Variants in GSE1 observed in about 807,000 individuals in gnomAD.
The protein encoded by GSE1 is genetic suppressor element 1.
A neutral mutation model predicts 112.6 loss-of-function variants in GSE1; 32 were observed. The observed-to-expected ratio is 0.28, with a 90% confidence interval of 0.21 to 0.38. The LOEUF is 0.38. Ranked by LOEUF, GSE1 falls within the 10% of genes least tolerant of loss-of-function variation. The pLI is 1.00. For synonymous variants in GSE1, 1,115 were observed against 735.6 expected (o/e 1.52, Z -8.35); for missense variants, 2,348 against 1,699.2 (o/e 1.38, Z -6.71).
chr16:85,608,601 G>A (rs2047818516), upstream of GSE1, among the ~76,000 whole-genome samples: 1 of 152,220 alleles, frequency 6.6e-6, no homozygotes, highest in Non-Finnish European at 1.5e-5. Flanking sequence ...GTGCTGCCAG[G>A]TGTAAGAGCC....
intron 1 of GSE1, among the ~76,000 whole-genome samples, chr16:85,246,721 G>A (rs1597181073): frequency 1.3e-5 from 2 of 152,188 alleles, no homozygotes; most frequent in South Asian, 2.1e-4. Context: ...ACTAGAGAGG[G>A]CCTGGGGGGC....
chr16:85,633,120 C>T (rs1332291461), intron 1 of GSE1, among the ~76,000 whole-genome samples: 1 of 152,222 alleles, frequency 6.6e-6, no homozygotes, highest in Admixed American at 6.5e-5. Flanking sequence ...TTCCAAGCTG[C>T]ACCGCGGTTT....
At chr16:85,352,764 C>T (rs531499140) in intron 1 of GSE1, among the ~76,000 whole-genome samples, 5 of 152,178 alleles carry the variant, frequency 3.3e-5, no homozygotes, top group East Asian at 3.8e-4. Flanking sequence ...CACAGCCTTG[C>T]GTGTCCATTA....
At position 85,668,246 on chromosome 16, in the gene GSE1, C is replaced by T. The variant is rs912318213; in HGVS notation, c.3237C>T (p.His1079=). The change falls in exon 14 of 16, where the codon CAC becomes CAT. Residue 1079 remains histidine, a synonymous_variant. Transcript: ENST00000253458. ...QSSSRAPPPQ[H]NGQQEPPTAR... is the part of the protein sequence containing the mutation. Reference sequence around the variant, plus strand: ...CCAGCCGCGCCCCTCCACCCCAGCACAATGGGCAGCAGGAGCCCCCCACTG... The same window carrying T: ...CCAGCCGCGCCCCTCCACCCCAGCATAATGGGCAGCAGGAGCCCCCCACTG... 1.2e-6 allele frequency: 2 copies of T among 1,611,536 alleles called. No individual in the cohort carries two copies. Among genetic ancestry groups the T allele is most frequent in the Non-Finnish European group, 1.7e-6 (2 of 1,177,686 alleles).
upstream of GSE1, among the ~76,000 whole-genome samples, chr16:85,551,745 G>C (rs1033355339): frequency 2.0e-5 from 3 of 152,232 alleles, no homozygotes; most frequent in Non-Finnish European, 2.9e-5. Flanking sequence ...AGGAGGCTGG[G>C]CTATCGCTAG....
chr16:85,484,874 C>T (rs138110952), intron 2 of GSE1, among the ~76,000 whole-genome samples: 52 of 152,332 alleles, frequency 3.4e-4, no homozygotes, highest in Non-Finnish European at 7.2e-4. Flanking sequence ...TCTTTGGCCT[C>T]CACTGTGATG....
chr16:85,596,214 C>G (rs1379035239), intron 1 of GSE1, among the ~76,000 whole-genome samples: 2 of 152,192 alleles, frequency 1.3e-5, no homozygotes, highest in Admixed American at 6.5e-5. Context: ...ATCTGCTCTT[C>G]TCACATCAGC....
chr16:85,638,927 G>A (rs2050222953), intron 2 of GSE1, among the ~76,000 whole-genome samples: 1 of 152,136 alleles, frequency 6.6e-6, no homozygotes, highest in Admixed American at 6.5e-5. Context: ...GTGGTGCAGG[G>A]TGCAGGCAGG....
chr16:85,329,612 G>T (rs774070828), intron 1 of GSE1, among the ~76,000 whole-genome samples: 1 of 151,952 alleles, frequency 6.6e-6, no homozygotes, highest in African/African-American at 2.4e-5. Flanking sequence ...GCGGGGAGAG[G>T]GCAGGAGAAG....
chr16:85,473,782 G>A (rs994441059), intron 2 of GSE1, among the ~76,000 whole-genome samples: 1 of 152,138 alleles, frequency 6.6e-6, no homozygotes, highest in Non-Finnish European at 1.5e-5. Context: ...GGGGCGGAGG[G>A]GGGGTCACCA....
intron 1 of GSE1, among the ~76,000 whole-genome samples, chr16:85,622,884 C>T (rs1442857947): frequency 6.6e-6 from 1 of 152,132 alleles, no homozygotes; most frequent in Non-Finnish European, 1.5e-5. Context: ...GCTGCAGCTG[C>T]CGCAGGGCTG....
intron 1 of GSE1, among the ~76,000 whole-genome samples, chr16:85,181,340 T>G (rs1315950901): frequency 6.6e-6 from 1 of 152,034 alleles, no homozygotes; most frequent in Admixed American, 6.5e-5. Context: ...CTTAAGAGAG[T>G]TCGGGGTGGA....
chr16:85,336,982 GCA>G (rs1421107969), intron 1 of GSE1, among the ~76,000 whole-genome samples: 5 of 132,030 alleles, frequency 3.8e-5, no homozygotes, highest in African/African-American at 1.2e-4. Context: ...ATATACATGG[GCA>G]CACACACAGA....
chr16:85,285,190 T>A (rs1297552434), intron 1 of GSE1: 1 of 152,242 alleles, frequency 6.6e-6, no homozygotes, highest in Non-Finnish European at 1.5e-5. Flanking sequence ...GGTGTGCCTG[T>A]GACATGAAGC....
intron 1 of GSE1, among the ~76,000 whole-genome samples, chr16:85,185,821 C>T (rs1350632966): frequency 1.3e-5 from 2 of 152,256 alleles, no homozygotes; most frequent in Non-Finnish European, 2.9e-5. Context: ...GGTCTGAACC[C>T]TCCCTGGGGC....
At chr16:85,552,328 CT>C (rs1195413161), upstream of GSE1, among the ~76,000 whole-genome samples, 435 of 47,742 alleles carry the variant, frequency 9.1e-3, 2 homozygotes, top group African/African-American at 0.026. Flanking sequence ...CCCGCCCCTC[CT>C]TTTTTTTTTT....
rs750160525 is a variant in GSE1 at position 85,674,690 on chromosome 16, C to T, written c.*2151C>T. ...GATAACTTAAAAACGTAGCTCATCCCTTACCATCCAAGGGGCACTCCCTTG... is the reference window on the plus strand; with the variant it reads ...GATAACTTAAAAACGTAGCTCATCCTTTACCATCCAAGGGGCACTCCCTTG... On this transcript the variant is annotated 3_prime_UTR_variant, in exon 16 of 16. Transcript: ENST00000253458. The T allele has an allele frequency of 2.6e-5, 4 of 152,254 alleles. No individual in the cohort carries two copies. Among genetic ancestry groups the T allele is most frequent in the Non-Finnish European group, 5.9e-5 (4 of 68,054 alleles). 9.4% of individuals were successfully genotyped at this position (152,254 alleles called of 1,614,324 possible).
chr16:85,576,866 G>A (rs1324252668), intron 1 of GSE1, among the ~76,000 whole-genome samples: 2 of 152,130 alleles, frequency 1.3e-5, no homozygotes, highest in East Asian at 3.9e-4. Flanking sequence ...GGGGACCCTG[G>A]GTCATCACTG....
At chr16:85,254,971 C>T (rs910979704) in intron 1 of GSE1, among the ~76,000 whole-genome samples, 23 of 152,226 alleles carry the variant, frequency 1.5e-4, no homozygotes, top group Admixed American at 1.2e-3. Flanking sequence ...CCGGTGATCC[C>T]CAGGCTGGGG....
Sources: allele counts gnomAD v4.1 joint callset (sites outside exome capture counted in the v4.1 genomes callset), GRCh38; gene constraint gnomAD v4.1.1; transcripts MANE v1.5; gene names NCBI Gene and HGNC (gene_info 2026-07-23, HGNC 2026-07-21).